Variants in KCNJ16 observed in about 807,000 individuals in gnomAD.
KCNJ16 encodes inward rectifier potassium channel 16.
KCNJ16 carries 15 observed loss-of-function variants against 18.5 expected under a neutral mutation model. The ratio of observed to expected loss-of-function variants is 0.81; its 90% confidence interval spans 0.54 to 1.25. The LOEUF is 1.25. Ranked by LOEUF, KCNJ16 falls within the 50% of genes most tolerant of loss-of-function variation. The pLI is 0.00. For missense variants in KCNJ16, 523 were observed against 525.7 expected (o/e 0.99, Z 0.05); for synonymous variants, 174 against 186.5 (o/e 0.93, Z 0.55).
At chr17:70,131,507 A>G in intron 3 of KCNJ16, 1 of 989,434 alleles carries the variant, frequency 1.0e-6, no homozygotes, top group African/African-American at 1.7e-5. Context: ...TACACTAACA[A>G]TTATGAAAGT....
rs2073104902 is a variant in KCNJ16 at position 70,109,839 on chromosome 17, G to A, written c.-191+9073G>A. Among the ~76,000 whole-genome samples the A allele has an allele frequency of 2.0e-5, 3 of 152,088 alleles. No homozygotes were observed. The South Asian group carries it at 6.2e-4, about 32-fold the overall frequency. On this transcript the variant is annotated intron_variant, in intron 2 of 3. Transcript: ENST00000392671. ...TCTTCTCCCTAAATAACTGCTCCCT[G>A]CCACTGGGATGATCCTCTCAGCTCC... is the stretch of plus-strand genomic sequence containing the variant.
chr17:70,116,828 A>G (rs2073427980), intron 2 of KCNJ16, among the ~76,000 whole-genome samples: 1 of 152,224 alleles, frequency 6.6e-6, no homozygotes, highest in Non-Finnish European at 1.5e-5. Context: ...GCTGCGGAGA[A>G]AAGGGAGTGC....
chr17:70,106,937 C>G (rs1034134534), intron 2 of KCNJ16, among the ~76,000 whole-genome samples: 1 of 152,096 alleles, frequency 6.6e-6, no homozygotes, highest in African/African-American at 2.4e-5. Flanking sequence ...TAGGCCACCC[C>G]CTTAATAGGC....
At chr17:70,112,189 T>G (rs1011481515) in intron 2 of KCNJ16, among the ~76,000 whole-genome samples, 3 of 152,158 alleles carry the variant, frequency 2.0e-5, no homozygotes, top group Non-Finnish European at 2.9e-5. Flanking sequence ...GGCAGGGCCT[T>G]GCACTCCTTT....
chr17:70,129,872 A>C (rs1223172821), intron 2 of KCNJ16, among the ~76,000 whole-genome samples: 2 of 152,098 alleles, frequency 1.3e-5, no homozygotes, highest in African/African-American at 4.8e-5. Flanking sequence ...AAATGATGCC[A>C]ACTGAATGCC....
intron 1 of KCNJ16, among the ~76,000 whole-genome samples, chr17:70,098,778 A>G (rs913728981): frequency 6.6e-6 from 1 of 152,162 alleles, no homozygotes. Context: ...TTTGAGTGGA[A>G]TGGAACCTTT....
chr17:70,093,863 A>T (rs1435311692), intron 1 of KCNJ16, among the ~76,000 whole-genome samples: 1 of 152,160 alleles, frequency 6.6e-6, no homozygotes, highest in East Asian at 1.9e-4. Context: ...GTAATTTGCC[A>T]TAACTATTGG....
intron 2 of KCNJ16, among the ~76,000 whole-genome samples, chr17:70,106,482 A>T (rs2072932397): frequency 6.6e-6 from 1 of 152,160 alleles, no homozygotes; most frequent in African/African-American, 2.4e-5. Flanking sequence ...TGATAGAGAG[A>T]GTGATAGGGG....
In KCNJ16 at chr17:70,100,416, C is replaced by T. The variant is rs568629366; in HGVS notation, c.-299-242C>T. ...CCATCTTACCTGATACTTCTCTGCC[C>T]GTGTCTTCAGTACTGGAATTTACTC... On this transcript the variant is annotated intron_variant, in intron 1 of 3. Transcript: ENST00000392671. Among the ~76,000 whole-genome samples the T allele has an allele frequency of 5.9e-5, 9 of 152,154 alleles. No individual in the cohort carries two copies. In the East Asian group the frequency reaches 9.7e-4, roughly 16 times the overall value.
Position 70,133,485 on chromosome 17 carries a change from A to T in KCNJ16, c.*141A>T, listed in dbSNP as rs1055910555. 1.0e-5 allele frequency: 7 copies of T among 674,164 alleles called. No homozygotes were observed. Among genetic ancestry groups the T allele is most frequent in the Non-Finnish European group, 1.7e-5 (7 of 414,828 alleles). 41.8% of individuals were successfully genotyped at this position (674,164 alleles called of 1,614,324 possible). On this transcript the variant is annotated 3_prime_UTR_variant, in exon 4 of 4. Coordinates refer to ENST00000392671, the MANE Select transcript of KCNJ16 (RefSeq NM_170741.4). ...GTAAGTAGAGTAAGTTAAACTTGGT[A>T]AAAGATAATCTAAAAATTCCATAGT...
At chr17:70,080,860 G>A (rs1037932878) in intron 1 of KCNJ16, among the ~76,000 whole-genome samples, 2 of 152,082 alleles carry the variant, frequency 1.3e-5, no homozygotes, top group Non-Finnish European at 2.9e-5. Context: ...CCTAATGGCT[G>A]GACCTCAAAA....
At chr17:70,121,782 C>T (rs572000062) in intron 2 of KCNJ16, among the ~76,000 whole-genome samples, 3 of 151,876 alleles carry the variant, frequency 2.0e-5, no homozygotes, top group Non-Finnish European at 4.4e-5. Flanking sequence ...GCTGCTTAGA[C>T]ATTTCTCTAC....
chr17:70,131,056 G>A, intron 3 of KCNJ16, 81 bp downstream of exon 3: 2 of 1,308,370 alleles, frequency 1.5e-6, no homozygotes, highest in Non-Finnish European at 2.1e-6. Flanking sequence ...GGATGTCCGT[G>A]AAAGTATCAG....
chr17:70,118,804 A>G (rs1335761430), intron 2 of KCNJ16, among the ~76,000 whole-genome samples: 3 of 152,132 alleles, frequency 2.0e-5, no homozygotes, highest in Non-Finnish European at 2.9e-5. Flanking sequence ...TACCCAAACT[A>G]TATTATTCTG....
chr17:70,100,108 G>A (rs1290742583), intron 1 of KCNJ16, among the ~76,000 whole-genome samples: 2 of 152,112 alleles, frequency 1.3e-5, no homozygotes, highest in East Asian at 3.9e-4. Flanking sequence ...CCCTCAGGCC[G>A]GCAAAAATGG....
chr17:70,109,568 T>C (rs1338151050), intron 2 of KCNJ16, among the ~76,000 whole-genome samples: 2 of 152,004 alleles, frequency 1.3e-5, no homozygotes, highest in Admixed American at 6.6e-5. Context: ...CTCTTCCCCC[T>C]GTTCTCTCAC....
intron 2 of KCNJ16, among the ~76,000 whole-genome samples, chr17:70,126,977 T>C (rs1167969571): frequency 7.3e-6 from 1 of 136,994 alleles, no homozygotes; most frequent in Non-Finnish European, 1.5e-5. Flanking sequence ...TTACTAGTGA[T>C]GCTGATACAC....
intron 1 of KCNJ16, among the ~76,000 whole-genome samples, chr17:70,075,625 G>T (rs2071272838): frequency 6.6e-6 from 1 of 151,998 alleles, no homozygotes; most frequent in African/African-American, 2.4e-5. Flanking sequence ...TCTCACATTG[G>T]TGTTTACAGA....
intron 2 of KCNJ16, among the ~76,000 whole-genome samples, chr17:70,106,179 A>T (rs1395341832): frequency 1.3e-5 from 2 of 152,188 alleles, no homozygotes; most frequent in African/African-American, 4.8e-5. Context: ...ATGAGTCAGG[A>T]TGATCTGTCT....
Sources: gnomAD v4.1 joint callset for allele counts (sites outside exome capture counted in the v4.1 genomes callset) on GRCh38, gnomAD v4.1.1 for gene constraint, MANE v1.5 for transcripts, NCBI Gene and HGNC (gene_info 2026-07-23, HGNC 2026-07-21) for gene names.